The following PHF14 variants were observed in gnomAD, a reference collection of about 807,000 sequenced individuals.
PHF14 encodes PHD finger protein 14.
A neutral mutation model predicts 117.9 loss-of-function variants in PHF14; 55 were observed. That is an observed-to-expected ratio of 0.47 (90% CI 0.38 to 0.58). PHF14 has a LOEUF of 0.58. Ranked by LOEUF, PHF14 falls within the 20% of genes least tolerant of loss-of-function variation. The probability of loss-of-function intolerance (pLI) is 0.00; values close to 1 mark genes in which losing one functional copy is unlikely to be tolerated. For synonymous variants in PHF14, 409 were observed against 368.6 expected (o/e 1.11, Z -1.26); for missense variants, 978 against 1,122.2 (o/e 0.87, Z 1.84).
At chr7:11,040,518 C>T (rs1784467414) in intron 11 of PHF14, among the ~76,000 whole-genome samples, 154 bp from the exon 12 acceptor site, 1 of 151,964 alleles carries the variant, frequency 6.6e-6, no homozygotes, top group Non-Finnish European at 1.5e-5. Flanking sequence ...GAAAAAAGCT[C>T]ATTTTAATCC....
intron 16 of PHF14, among the ~76,000 whole-genome samples, chr7:11,083,404 C>T (rs1036532851): frequency 2.0e-5 from 3 of 151,626 alleles, no homozygotes; most frequent in Admixed American, 6.6e-5. Context: ...ACTCCCACCC[C>T]GTATCATCGT....
chr7:10,992,309 T>C (rs1420302349), intron 4 of PHF14, among the ~76,000 whole-genome samples: 1 of 149,966 alleles, frequency 6.7e-6, no homozygotes, highest in Non-Finnish European at 1.5e-5. Context: ...CCGACTCAGC[T>C]TCCCAAAGTG....
chr7:10,991,031 C>T (rs972400046), intron 4 of PHF14, among the ~76,000 whole-genome samples, 184 bp downstream of exon 4: 10 of 152,086 alleles, frequency 6.6e-5, no homozygotes, highest in African/African-American at 2.4e-4. Context: ...CACTGTGTCG[C>T]CCAGGCTGGA....
intron 4 of PHF14, among the ~76,000 whole-genome samples, chr7:10,991,556 T>C (rs989392754): frequency 6.6e-6 from 1 of 152,054 alleles, no homozygotes; most frequent in African/African-American, 2.4e-5. Flanking sequence ...GTGATCCGCC[T>C]GCCTCAGCCT....
intron 4 of PHF14, among the ~76,000 whole-genome samples, chr7:10,991,751 ATTTTTTAATTTTTT>A (rs1445120534): frequency 3.3e-5 from 4 of 120,026 alleles, no homozygotes; most frequent in Non-Finnish European, 6.6e-5. Context: ...TAATTTTTTA[ATTTTTTAATTTTTT>A]TTTTTTTTTT....
chr7:11,006,062 G>A (rs920246772), intron 4 of PHF14, among the ~76,000 whole-genome samples: 18 of 152,004 alleles, frequency 1.2e-4, no homozygotes, highest in Non-Finnish European at 2.2e-4. Flanking sequence ...AAAGTGCTGG[G>A]ATTACAGGGA....
Position 11,111,368 on chromosome 7 carries a change from C to T in PHF14, c.2673C>T (p.Leu891=). The T allele has an allele frequency of 6.3e-7, 1 of 1,598,196 alleles. No individual in the cohort carries two copies. The highest frequency in any genetic ancestry group is 8.6e-7 in the Non-Finnish European group (1 of 1,167,962). The change falls in exon 17 of 18, where the codon CTC becomes CTT. Residue 891 remains leucine, a synonymous_variant. Coordinates refer to ENST00000634607, the MANE Select transcript of PHF14 (RefSeq NM_001007157.2). Reference sequence around the variant, plus strand: ...CCTGCAGGTGTGATGAATGCAGACTCTGCTACCATTTTGGCTGTTTGGATC... The same window carrying T: ...CCTGCAGGTGTGATGAATGCAGACTTTGCTACCATTTTGGCTGTTTGGATC... ...ENLVRCDECR[L]CYHFGCLDPP...
intron 4 of PHF14, among the ~76,000 whole-genome samples, chr7:10,995,516 A>T (rs571600664): frequency 6.6e-6 from 1 of 152,216 alleles, no homozygotes; most frequent in African/African-American, 2.4e-5. Context: ...CCAGGGCCAC[A>T]TGTGGAGCTG....
At chr7:10,998,921 T>C (rs1306652070) in intron 4 of PHF14, among the ~76,000 whole-genome samples, 1 of 152,274 alleles carries the variant, frequency 6.6e-6, no homozygotes, top group Admixed American at 6.5e-5. Context: ...ACTATGGATG[T>C]ATTTTTTTAG....
chr7:11,071,992 G>C (rs955436106), intron 16 of PHF14, among the ~76,000 whole-genome samples: 1 of 152,138 alleles, frequency 6.6e-6, no homozygotes. Flanking sequence ...ACTGTAAAAT[G>C]AATGATTAAG....
intron 17 of PHF14, among the ~76,000 whole-genome samples, chr7:11,141,038 A>G (rs1788383704): frequency 6.6e-6 from 1 of 152,112 alleles, no homozygotes; most frequent in African/African-American, 2.4e-5. Flanking sequence ...CTGGATTTGA[A>G]TATCTACTTC....
chr7:11,168,053 A>G (rs1021388084), intron 17 of PHF14, among the ~76,000 whole-genome samples: 2 of 152,042 alleles, frequency 1.3e-5, no homozygotes, highest in African/African-American at 2.4e-5. Flanking sequence ...ATCTGTAGGA[A>G]CTTTTTTCTA....
chr7:11,054,192 A>T (rs949038242), intron 14 of PHF14, among the ~76,000 whole-genome samples: 3 of 151,958 alleles, frequency 2.0e-5, no homozygotes, highest in African/African-American at 7.3e-5. Context: ...GATTACTTGC[A>T]TTAGGACCAT....
chr7:11,100,739 G>T (rs1379299833), intron 16 of PHF14, among the ~76,000 whole-genome samples: 3 of 151,890 alleles, frequency 2.0e-5, no homozygotes, highest in Non-Finnish European at 2.9e-5. Flanking sequence ...AAAATGAGAA[G>T]AATTACTTGC....
At chr7:11,103,350 C>G in intron 16 of PHF14, 1 of 943,150 alleles carries the variant, frequency 1.1e-6, no homozygotes, top group Non-Finnish European at 1.3e-6. Flanking sequence ...TTTTTCTCAA[C>G]CTTAAATATG....
chr7:11,062,293 A>G, intron 16 of PHF14: 2 of 362,038 alleles, frequency 5.5e-6, no homozygotes, highest in Non-Finnish European at 4.9e-6. Flanking sequence ...AAGAGTGATA[A>G]TCTGCCTGTT....
chr7:11,045,715 A>G (rs1262916682), intron 13 of PHF14, among the ~76,000 whole-genome samples: 3 of 152,176 alleles, frequency 2.0e-5, no homozygotes, highest in Admixed American at 6.5e-5. Context: ...ATACAGATAC[A>G]GAAGTAATTA....
At chr7:11,121,656 C>T (rs1787757102) in intron 17 of PHF14, among the ~76,000 whole-genome samples, 1 of 152,080 alleles carries the variant, frequency 6.6e-6, no homozygotes, top group Non-Finnish European at 1.5e-5. Context: ...TGGACACAAG[C>T]CCTGCAGTAC....
chr7:11,072,351 G>A (rs1016081075), intron 16 of PHF14, among the ~76,000 whole-genome samples: 11 of 152,140 alleles, frequency 7.2e-5, no homozygotes, highest in African/African-American at 2.7e-4. Flanking sequence ...ATCTACCCCC[G>A]TGATCCAGTC....
Sources: gnomAD v4.1 joint callset for allele counts (sites outside exome capture counted in the v4.1 genomes callset) on GRCh38, gnomAD v4.1.1 for gene constraint, MANE v1.5 for transcripts, NCBI Gene and HGNC (gene_info 2026-07-23, HGNC 2026-07-21) for gene names.